Variants in TRIM13 observed in about 807,000 individuals in gnomAD.
The protein encoded by TRIM13 is E3 ubiquitin-protein ligase TRIM13.
Under a neutral mutation model 27.1 loss-of-function variants are expected in TRIM13, and 15 were observed. The observed-to-expected ratio is 0.55, with a 90% confidence interval of 0.37 to 0.85. The LOEUF (loss-of-function observed/expected upper bound fraction) is 0.85, where lower values mean the gene tolerates loss of function less well. TRIM13 is among the 40% of genes least tolerant of loss of function. The probability of loss-of-function intolerance (pLI) is 0.00; values close to 1 mark genes in which losing one functional copy is unlikely to be tolerated. For missense variants in TRIM13, 402 were observed against 472.2 expected (o/e 0.85, Z 1.38); for synonymous variants, 193 against 171.5 (o/e 1.13, Z -0.98).
In TRIM13 at chr13:49,997,328, C is replaced by G. The variant is rs1382325854; in HGVS notation, c.-442C>G. The G allele has an allele frequency of 6.6e-6, 1 of 152,514 alleles. No individual in the cohort carries two copies. Among genetic ancestry groups the G allele is most frequent in the African/African-American group, 2.4e-5 (1 of 41,456 alleles). 9.4% of individuals were successfully genotyped at this position (152,514 alleles called of 1,614,324 possible). A position where few individuals can be genotyped will look rare whatever the true frequency, so the allele number is the denominator to read the frequency against. ...TGTCATGGGCCTGGGGAGGAGCGGCCTGCGGAGGGCGCCGGGGCAGTGTGT... is the reference window on the plus strand; with the variant it reads ...TGTCATGGGCCTGGGGAGGAGCGGCGTGCGGAGGGCGCCGGGGCAGTGTGT... On this transcript the variant is annotated 5_prime_UTR_variant, in exon 1 of 2. Transcript: ENST00000378182.
At chr13:50,001,135 C>CA (rs1381495949) in intron 1 of TRIM13, 2 of 151,954 alleles carry the variant, frequency 1.3e-5, no homozygotes, top group African/African-American at 4.8e-5. Flanking sequence ...ACTAAAAATA[C>CA]AAAAAATTAG....
Position 50,015,541 on chromosome 13 carries a change from C to T in TRIM13, c.*2377C>T. ...CTTTGAATGTGGGAGGGAAGATATT[C>T]ACGACAAGGTTTTCTACGATAAAGC... On this transcript the variant is annotated 3_prime_UTR_variant, in exon 2 of 2. Transcript: ENST00000378182. 2.5e-6 allele frequency: 4 copies of T among 1,613,872 alleles called. No homozygotes were observed. The highest frequency in any genetic ancestry group is 3.4e-6 in the Non-Finnish European group (4 of 1,179,898).
chr13:50,002,072 C>A (rs1250670625), intron 1 of TRIM13, among the ~76,000 whole-genome samples: 6 of 151,638 alleles, frequency 4.0e-5, no homozygotes, highest in Non-Finnish European at 8.8e-5. Flanking sequence ...TCCAGTAATA[C>A]ATTAAAAAAA....
chr13:50,009,077 A>C (rs1472215588), intron 1 of TRIM13, among the ~76,000 whole-genome samples: 2 of 150,362 alleles, frequency 1.3e-5, no homozygotes, highest in Non-Finnish European at 3.0e-5. Context: ...TGTACTGTCG[A>C]TATTTACTCT....
intron 1 of TRIM13, among the ~76,000 whole-genome samples, chr13:49,999,261 A>G (rs962943771): frequency 1.3e-5 from 2 of 152,120 alleles, no homozygotes; most frequent in African/African-American, 4.8e-5. Context: ...TAGACGGGCT[A>G]TGTAAATGAT....
rs1022034047 is a variant in TRIM13, at chr13:50,014,749, C to T, written c.*1585C>T. 6.0e-6 allele frequency: 1 copy of T among 166,554 alleles called. No homozygotes were observed. Among genetic ancestry groups the T allele is most frequent in the African/African-American group, 2.4e-5 (1 of 41,300 alleles). 10.3% of individuals were successfully genotyped at this position (166,554 alleles called of 1,614,324 possible). On this transcript the variant is annotated 3_prime_UTR_variant, in exon 2 of 2. Transcript: ENST00000378182. The stretch of plus-strand genomic sequence containing the variant: ...TATTTGTGTCATAGAGTAAGATATT[C>T]CTTGAAAGCCCATTAAGTGGAATAG...
chr13:50,005,162 T>C (rs1304144522), intron 1 of TRIM13, among the ~76,000 whole-genome samples: 1 of 152,096 alleles, frequency 6.6e-6, no homozygotes, highest in African/African-American at 2.4e-5. Flanking sequence ...GTAAGCTGGG[T>C]TGATTACTTC....
In TRIM13 at chr13:50,012,999, C is replaced by T. The variant is rs756909588; in HGVS notation, c.1059C>T (p.Asn353=). ...CAACTTGGAAAGGCTGTCTTTCAAACTTCAGTTCCTATCTGACTAAAACAG... is the reference window on the plus strand; with the variant it reads ...CAACTTGGAAAGGCTGTCTTTCAAATTTCAGTTCCTATCTGACTAAAACAG... ...DLATWKGCLS[N]FSSYLTKTAD... The change falls in exon 2 of 2, where the codon AAC becomes AAT. Residue 353 remains asparagine, a synonymous_variant. Coordinates refer to ENST00000378182, the MANE Select transcript of TRIM13 (RefSeq NM_213590.3). 8 of 1,613,926 alleles carry T rather than the reference C, an allele frequency of 5.0e-6. No homozygotes were observed. In the Admixed American group the frequency reaches 1.0e-4, roughly 20 times the overall value.
At chr13:50,011,734 T>A (rs1566440350) in intron 1 of TRIM13, among the ~76,000 whole-genome samples, 2 of 152,228 alleles carry the variant, frequency 1.3e-5, no homozygotes, top group Non-Finnish European at 2.9e-5. Context: ...TAGGATGCCC[T>A]ACTATTAAAG....
chr13:50,017,461 T>C lies in TRIM13; in HGVS notation c.*4297T>C, dbSNP rs1876748850. The C allele has an allele frequency of 6.0e-6, 1 of 167,108 alleles. No individual in the cohort carries two copies. The highest frequency in any genetic ancestry group is 1.5e-5 in the Non-Finnish European group (1 of 68,104). 10.4% of individuals were successfully genotyped at this position (167,108 alleles called of 1,614,324 possible). On this transcript the variant is annotated 3_prime_UTR_variant, in exon 2 of 2. Coordinates refer to ENST00000378182, the MANE Select transcript of TRIM13 (RefSeq NM_213590.3). ...ACACAGTGCCAAATGGTTTTCCCTT[T>C]TTATGTTGTGTTTTAGAAACAGCAC...
At chr13:50,007,193 A>C (rs544829486) in intron 1 of TRIM13, among the ~76,000 whole-genome samples, 10 of 148,620 alleles carry the variant, frequency 6.7e-5, no homozygotes, top group African/African-American at 2.5e-4. Context: ...AAAAAAAAAA[A>C]AACCCAAAAA....
intron 1 of TRIM13, among the ~76,000 whole-genome samples, chr13:50,009,075 C>T (rs892264683): frequency 1.4e-5 from 2 of 146,898 alleles, no homozygotes; most frequent in Non-Finnish European, 3.0e-5. Flanking sequence ...TTTGTACTGT[C>T]GATATTTACT....
intron 1 of TRIM13, chr13:50,001,168 G>GT (rs1481755184): frequency 6.6e-6 from 1 of 152,100 alleles, no homozygotes; most frequent in East Asian, 1.9e-4. Context: ...GCAAGTGCCT[G>GT]TAATACCAGC....
chr13:50,000,757 A>G (rs1444343934), intron 1 of TRIM13, among the ~76,000 whole-genome samples: 1 of 147,712 alleles, frequency 6.8e-6, no homozygotes, highest in South Asian at 2.4e-4. Context: ...TGAATTTTCT[A>G]TAATAAAAAC....
chr13:50,017,655 G>C lies in TRIM13; in HGVS notation c.*4491G>C, dbSNP rs1036749989. On this transcript the variant is annotated 3_prime_UTR_variant, in exon 2 of 2. Transcript: ENST00000378182. ...ATAAATGTTTGTGAATTTTTAGACA[G>C]TGCCAATTTAAAAGTAGAGATAGCC... 2.4e-5 allele frequency: 4 copies of C among 167,084 alleles called. No homozygotes were observed. The highest frequency in any genetic ancestry group is 5.9e-5 in the Non-Finnish European group (4 of 68,076). The allele number at this position is 167,084 out of a possible 1,614,324, so 10.4% of individuals were successfully genotyped here.
At chr13:50,005,697 T>TAAA (rs915792824) in intron 1 of TRIM13, among the ~76,000 whole-genome samples, 7 of 148,124 alleles carry the variant, frequency 4.7e-5, no homozygotes, top group African/African-American at 1.7e-4. Context: ...AGAGAAGGCA[T>TAAA]AAAACTAAAG....
chr13:50,015,669 G>C lies in TRIM13; in HGVS notation c.*2505G>C, dbSNP rs901382700. ...GTAGACAGAGATGGTGATTTGTTTA[G>C]TTTCATCTTAGATTTTTTGAGAACT... is the stretch of plus-strand genomic sequence containing the variant. On this transcript the variant is annotated 3_prime_UTR_variant, in exon 2 of 2. Transcript: ENST00000378182. The C allele has an allele frequency of 6.2e-7, 1 of 1,613,988 alleles. No individual in the cohort carries two copies. Among genetic ancestry groups the C allele is most frequent in the Non-Finnish European group, 8.5e-7 (1 of 1,179,994 alleles).
chr13:50,000,890 A>C (rs2138341651), intron 1 of TRIM13: 1 of 152,358 alleles, frequency 6.6e-6, no homozygotes, highest in Middle Eastern at 3.4e-3. Flanking sequence ...TATCCTCTAC[A>C]CAGATTTCTA....
rs1876823894 is a variant in TRIM13, at chr13:50,018,006, C to A, written c.*4842C>A. 1 of 167,044 alleles carries A rather than the reference C, an allele frequency of 6.0e-6. No homozygotes were observed. The highest frequency in any genetic ancestry group is 6.5e-5 in the Admixed American group (1 of 15,288). 10.3% of individuals were successfully genotyped at this position (167,044 alleles called of 1,614,324 possible). A position where few individuals can be genotyped will look rare whatever the true frequency, so the allele number is the denominator to read the frequency against. On this transcript the variant is annotated 3_prime_UTR_variant, in exon 2 of 2. Transcript: ENST00000378182. The stretch of plus-strand genomic sequence containing the variant: ...CACAGTACTAGAAATACTTGGCTTG[C>A]ATCTTTCAGATGCCATTCATGTTAT...
Sources: allele counts gnomAD v4.1 joint callset (sites outside exome capture counted in the v4.1 genomes callset), GRCh38; gene constraint gnomAD v4.1.1; transcripts MANE v1.5; gene names NCBI Gene and HGNC (gene_info 2026-07-23, HGNC 2026-07-21).